ZC3H12B: variants seen among roughly 807,000 people sequenced by gnomAD.
ZC3H12B encodes the protein zinc finger CCCH-type containing 12B.
A neutral mutation model predicts 43.9 loss-of-function variants in ZC3H12B; 7 were observed. That is an observed-to-expected ratio of 0.16 (90% confidence interval 0.09 to 0.30). ZC3H12B has a LOEUF of 0.30. Among genes scored for constraint, ZC3H12B ranks in the 10% least tolerant of loss-of-function variants. The pLI is 1.00. For synonymous variants in ZC3H12B, 222 were observed against 241.7 expected (o/e 0.92, Z 0.76); for missense variants, 475 against 670.2 (o/e 0.71, Z 3.22).
the ZC3H12B span, among the ~76,000 whole-genome samples, chrX:65,163,371 A>T: frequency 9.0e-6 from 1 of 111,632 alleles, no homozygotes; most frequent in Non-Finnish European, 1.9e-5. Context: ...CTGCCCCCAG[A>T]AGTGGAGCCT....
chrX:65,264,000 T>A, the ZC3H12B span, among the ~76,000 whole-genome samples: 9 of 111,247 alleles, frequency 8.1e-5, no homozygotes, highest in African/African-American at 2.9e-4. Flanking sequence ...AATGAAATAA[T>A]GTATTTTGCA....
the ZC3H12B span, among the ~76,000 whole-genome samples, chrX:65,304,849 A>G: frequency 9.0e-6 from 1 of 111,625 alleles, no homozygotes; most frequent in Non-Finnish European, 1.9e-5. Flanking sequence ...ATCAAAATTA[A>G]TTTTTCTGCT....
chrX:65,066,435 C>T, the ZC3H12B span, among the ~76,000 whole-genome samples: 1 of 111,776 alleles, frequency 8.9e-6, no homozygotes, highest in Non-Finnish European at 1.9e-5. Context: ...TGGAGGTCCA[C>T]TCCAGACCCT....
the ZC3H12B span, among the ~76,000 whole-genome samples, chrX:65,285,716 C>A: frequency 3.6e-5 from 4 of 111,436 alleles, no homozygotes; most frequent in African/African-American, 1.3e-4. Context: ...GAGTCTTAAA[C>A]CTAGAAGTGA....
At chrX:65,378,327 G>A (rs796475409) in intron 2 of ZC3H12B, among the ~76,000 whole-genome samples, 1 of 111,334 alleles carries the variant, frequency 9.0e-6, no homozygotes, top group East Asian at 2.8e-4. Flanking sequence ...TTAATTTAAG[G>A]TGTAGAGTGT....
At chrX:65,292,895 G>T in the ZC3H12B span, among the ~76,000 whole-genome samples, 29 of 111,158 alleles carry the variant, frequency 2.6e-4, no homozygotes, top group African/African-American at 9.5e-4. Context: ...GAGGTAGGAG[G>T]ATCACTTAAA....
intron 1 of ZC3H12B, among the ~76,000 whole-genome samples, chrX:65,491,717 AT>A (rs200846044): frequency 0.031 from 2,816 of 90,203 alleles, 125 homozygotes; most frequent in African/African-American, 0.16. Flanking sequence ...AAAAAAAAAT[AT>A]ATATATATAT....
the ZC3H12B span, among the ~76,000 whole-genome samples, chrX:65,335,757 C>G: frequency 9.0e-6 from 1 of 111,531 alleles, no homozygotes; most frequent in Non-Finnish European, 1.9e-5. Flanking sequence ...CAATTTTGAG[C>G]TTGCAAAGGC....
the ZC3H12B span, among the ~76,000 whole-genome samples, chrX:65,110,721 A>G: frequency 9.0e-6 from 1 of 111,178 alleles, no homozygotes; most frequent in Non-Finnish European, 1.9e-5. Context: ...TAGTTTCTTT[A>G]TCTTTCCATA....
the ZC3H12B span, among the ~76,000 whole-genome samples, chrX:65,057,410 C>T: frequency 9.0e-6 from 1 of 111,566 alleles, no homozygotes; most frequent in Non-Finnish European, 1.9e-5. Flanking sequence ...GAATATTGGC[C>T]CCCACTCTCT....
At chrX:65,147,775 A>G in the ZC3H12B span, among the ~76,000 whole-genome samples, 2 of 110,591 alleles carry the variant, frequency 1.8e-5, no homozygotes, top group Non-Finnish European at 3.8e-5. Flanking sequence ...CATGGAGTTC[A>G]TCCTGGAGCC....
intron 2 of ZC3H12B, among the ~76,000 whole-genome samples, chrX:65,393,125 C>T (rs1210587710): frequency 1.8e-5 from 2 of 111,074 alleles, no homozygotes; most frequent in Admixed American, 1.9e-4. Flanking sequence ...GCCACAGGGT[C>T]CTCTGCCTAG....
the ZC3H12B span, among the ~76,000 whole-genome samples, chrX:65,179,355 A>G: frequency 1.8e-5 from 2 of 109,510 alleles, no homozygotes; most frequent in African/African-American, 6.7e-5. Flanking sequence ...GTGTATACCT[A>G]TGTAACAAAC....
the ZC3H12B span, among the ~76,000 whole-genome samples, chrX:65,136,349 C>T: frequency 7.3e-3 from 814 of 110,889 alleles, 3 homozygotes; most frequent in Middle Eastern, 0.023. Context: ...TTTACTGACA[C>T]TGTGTGTGTT....
chrX:65,386,610 T>C (rs1047055948), intron 2 of ZC3H12B, among the ~76,000 whole-genome samples: 3 of 111,570 alleles, frequency 2.7e-5, no homozygotes, highest in Non-Finnish European at 5.6e-5. Flanking sequence ...CTGGTTTCAT[T>C]GATTTTTTGA....
intron 3 of ZC3H12B, among the ~76,000 whole-genome samples, chrX:65,435,035 G>T (rs2067203985): frequency 8.9e-6 from 1 of 111,777 alleles, no homozygotes; most frequent in African/African-American, 3.3e-5. Flanking sequence ...CTCAATCAAA[G>T]CCCTCACTTT....
the ZC3H12B span, among the ~76,000 whole-genome samples, chrX:65,290,639 T>C: frequency 1.8e-5 from 2 of 110,823 alleles, no homozygotes; most frequent in Admixed American, 1.9e-4. Context: ...GCAAAGAAAA[T>C]ATACATATAC....
At chrX:65,127,310 G>T in the ZC3H12B span, among the ~76,000 whole-genome samples, 3 of 112,040 alleles carry the variant, frequency 2.7e-5, no homozygotes, top group Admixed American at 9.4e-5. Context: ...CAGACTCCAG[G>T]CTAGCACTGG....
chrX:65,192,693 A>T, the ZC3H12B span, among the ~76,000 whole-genome samples: 4 of 111,390 alleles, frequency 3.6e-5, no homozygotes, highest in South Asian at 1.5e-3. Flanking sequence ...CCCTAGGATA[A>T]ATCCCACTTG....
Sources: gnomAD v4.1 joint callset for allele counts (sites outside exome capture counted in the v4.1 genomes callset) on GRCh38, gnomAD v4.1.1 for gene constraint, MANE v1.5 for transcripts, NCBI Gene and HGNC (gene_info 2026-07-23, HGNC 2026-07-21) for gene names.